SBF2: variants seen among roughly 807,000 people sequenced by gnomAD.
SBF2 encodes SET binding factor 2.
In SBF2, 112 loss-of-function variants were observed where a neutral mutation model predicts 225.2. The ratio of observed to expected loss-of-function variants is 0.50; its 90% confidence interval spans 0.43 to 0.58. The LOEUF (loss-of-function observed/expected upper bound fraction) is 0.58, where lower values mean the gene tolerates loss of function less well. Among genes scored for constraint, SBF2 ranks in the 20% least tolerant of loss-of-function variants. The pLI, the probability that SBF2 is intolerant of heterozygous loss-of-function variation, is 0.00. For synonymous variants in SBF2, 763 were observed against 773.3 expected, an observed-to-expected ratio of 0.99 and a Z score of 0.22; for missense variants, 1,996 against 2,206.2, an observed-to-expected ratio of 0.90 and a Z score of 1.91.
intron 1 of SBF2, among the ~76,000 whole-genome samples, chr11:10,240,857 G>A (rs1218081667): frequency 1.3e-5 from 2 of 152,120 alleles, no homozygotes; most frequent in African/African-American, 2.4e-5. Flanking sequence ...CGCAATACGT[G>A]TTTAAATATC....
chr11:10,130,896 G>C (rs556764042), intron 2 of SBF2, among the ~76,000 whole-genome samples: 45 of 152,080 alleles, frequency 3.0e-4, no homozygotes, highest in African/African-American at 1.1e-3. Context: ...ATTGCTACGA[G>C]ATATACCATA....
intron 2 of SBF2, 70 bp from the exon 3 acceptor site, chr11:10,043,051 T>G: frequency 6.7e-7 from 1 of 1,493,382 alleles, no homozygotes; most frequent in South Asian, 1.2e-5. Context: ...TCTGAGAAAT[T>G]TTAAATGTTT....
intron 1 of SBF2, among the ~76,000 whole-genome samples, chr11:10,212,282 T>C (rs1308671304): frequency 6.6e-6 from 1 of 152,200 alleles, no homozygotes; most frequent in Non-Finnish European, 1.5e-5. Flanking sequence ...CCATGCCTGA[T>C]TTCCACAAGC....
At chr11:10,296,406 CAA>C (rs1017513875), upstream of SBF2, among the ~76,000 whole-genome samples, 4 of 152,248 alleles carry the variant, frequency 2.6e-5, no homozygotes, top group Admixed American at 6.5e-5. Flanking sequence ...AAGCGGCAGA[CAA>C]GAGAGCTTAT....
chr11:10,266,697 A>C (rs942944259), intron 1 of SBF2, among the ~76,000 whole-genome samples: 2 of 152,236 alleles, frequency 1.3e-5, no homozygotes, highest in Non-Finnish European at 2.9e-5. Context: ...AGTGATGATG[A>C]TGGTGATAAC....
chr11:10,217,774 C>T (rs1740624979), intron 1 of SBF2, among the ~76,000 whole-genome samples: 1 of 152,086 alleles, frequency 6.6e-6, no homozygotes, highest in Non-Finnish European at 1.5e-5. Flanking sequence ...TGTTCTCACC[C>T]TGCTAATAAA....
At chr11:10,250,294 C>G (rs10770104) in intron 1 of SBF2, among the ~76,000 whole-genome samples, 17 of 151,890 alleles carry the variant, frequency 1.1e-4, no homozygotes, top group Admixed American at 2.0e-4. Flanking sequence ...TAGTTATCTG[C>G]GCTATGCACC....
At chr11:9,873,657 C>T (rs1211800192) in intron 17 of SBF2, among the ~76,000 whole-genome samples, 2 of 152,154 alleles carry the variant, frequency 1.3e-5, no homozygotes, top group Non-Finnish European at 2.9e-5. Context: ...AGGCATATAC[C>T]TAGAAAGTTG....
intron 13 of SBF2, among the ~76,000 whole-genome samples, chr11:9,979,424 A>T (rs1159755804): frequency 6.6e-6 from 1 of 152,190 alleles, no homozygotes; most frequent in East Asian, 1.9e-4. Flanking sequence ...GAAATTTCTC[A>T]TATGATCATG....
In SBF2 at chr11:10,075,769, G is replaced by A. The variant is rs118001972; in HGVS notation, c.142-32788C>T. ...AAACCTCTTTTCTTTATAAATTACC[G>A]GTCTTGGGTAGTTCTTTATAGCAGT... On this transcript the variant is annotated intron_variant, in intron 2 of 39. Transcript: ENST00000256190. Among the ~76,000 whole-genome samples, 1,178 of 152,148 alleles carry A rather than the reference G, an allele frequency of 7.7e-3. 6 individuals carry two copies. Among genetic ancestry groups the A allele is most frequent in the Non-Finnish European group, 0.012 (824 of 67,990 alleles).
chr11:10,111,856 G>T (rs1424700027), intron 2 of SBF2, among the ~76,000 whole-genome samples: 1 of 152,202 alleles, frequency 6.6e-6, no homozygotes, highest in Non-Finnish European at 1.5e-5. Context: ...CAGCCTGGGT[G>T]ACACAGTGAG....
At chr11:9,887,853 G>A (rs549284766) in intron 17 of SBF2, among the ~76,000 whole-genome samples, 79 of 150,158 alleles carry the variant, frequency 5.3e-4, no homozygotes, top group African/African-American at 1.8e-3. Context: ...GAGACCTATT[G>A]TAGGAAATGC....
intron 1 of SBF2, among the ~76,000 whole-genome samples, chr11:10,222,458 T>C (rs940779301): frequency 6.6e-5 from 10 of 152,128 alleles, no homozygotes; most frequent in African/African-American, 2.4e-4. Context: ...AAAGTAGAAA[T>C]TCTAGATCTG....
intron 14 of SBF2, among the ~76,000 whole-genome samples, chr11:9,965,297 CTTTT>C (rs34056394): frequency 7.8e-6 from 1 of 128,844 alleles, no homozygotes. Context: ...ATGTTTTAAA[CTTTT>C]TTTTTTTTTT....
At chr11:10,089,265 G>A (rs1470436831) in intron 2 of SBF2, among the ~76,000 whole-genome samples, 3 of 152,044 alleles carry the variant, frequency 2.0e-5, no homozygotes, top group Non-Finnish European at 4.4e-5. Context: ...ACACCTTGAG[G>A]TACAGTAAAA....
intron 2 of SBF2, among the ~76,000 whole-genome samples, chr11:10,080,235 C>T (rs1174477557): frequency 1.8e-5 from 2 of 113,784 alleles, no homozygotes; most frequent in African/African-American, 3.3e-5. Context: ...AAAATAAGAG[C>T]GAAACTCTGT....
At chr11:10,262,200 C>G (rs571988135) in intron 1 of SBF2, among the ~76,000 whole-genome samples, 3 of 151,756 alleles carry the variant, frequency 2.0e-5, no homozygotes, top group South Asian at 2.1e-4. Flanking sequence ...TGAAATACAT[C>G]CAAAAAAAGA....
intron 17 of SBF2, among the ~76,000 whole-genome samples, chr11:9,880,372 A>G (rs1859660397): frequency 6.6e-6 from 1 of 152,220 alleles, no homozygotes; most frequent in African/African-American, 2.4e-5. Flanking sequence ...TGAAAAGCCT[A>G]AAGATGTGGT....
chr11:9,877,729 T>G, intron 17 of SBF2, among the ~76,000 whole-genome samples: 1 of 152,194 alleles, frequency 6.6e-6, no homozygotes, highest in Non-Finnish European at 1.5e-5. Flanking sequence ...CATGAACGCA[T>G]CCTTTTTTAT....
Sources: allele counts gnomAD v4.1 joint callset (sites outside exome capture counted in the v4.1 genomes callset), GRCh38; gene constraint gnomAD v4.1.1; transcripts MANE v1.5; gene names NCBI Gene and HGNC (gene_info 2026-07-23, HGNC 2026-07-21).